Variants in NFX1 observed in about 807,000 individuals in gnomAD.
NFX1 encodes the protein nuclear transcription factor, X-box binding 1.
Under a neutral mutation model 137.2 loss-of-function variants are expected in NFX1, and 69 were observed. The observed-to-expected ratio is 0.50, with a 90% CI of 0.41 to 0.61. NFX1 has a LOEUF of 0.61. Among genes scored for constraint, NFX1 ranks in the 20% least tolerant of loss-of-function variants. The pLI is 0.00. For missense variants in NFX1, 1,167 were observed against 1,391.0 expected, an observed-to-expected ratio of 0.84 and a Z score of 2.56; for synonymous variants, 495 against 474.1, an observed-to-expected ratio of 1.04 and a Z score of -0.57.
intron 2 of NFX1, among the ~76,000 whole-genome samples, chr9:33,299,211 A>G (rs886367530): frequency 7.9e-5 from 12 of 152,198 alleles, no homozygotes; most frequent in African/African-American, 1.9e-4. Flanking sequence ...TAACTAAACT[A>G]CAGATGTTAT....
At chr9:33,349,151 G>A (rs1823543672) in intron 15 of NFX1, among the ~76,000 whole-genome samples, 1 of 152,066 alleles carries the variant, frequency 6.6e-6, no homozygotes, top group Non-Finnish European at 1.5e-5. Flanking sequence ...AACAGATATC[G>A]AGTATGAGTA....
chr9:33,367,389 A>G (rs1004676571), intron 22 of NFX1, 126 bp from the exon 23 acceptor site: 12 of 854,584 alleles, frequency 1.4e-5, no homozygotes, highest in Non-Finnish European at 2.1e-5. Flanking sequence ...CTGAGAGCAG[A>G]CAGTTCATAC....
At chr9:33,368,954 G>T (rs1227719344) in intron 23 of NFX1, among the ~76,000 whole-genome samples, 1 of 152,214 alleles carries the variant, frequency 6.6e-6, no homozygotes, top group African/African-American at 2.4e-5. Context: ...CATATGGGCG[G>T]TCACTTTGGA....
At chr9:33,336,287 C>T (rs1429307640) in intron 11 of NFX1, among the ~76,000 whole-genome samples, 2 of 152,170 alleles carry the variant, frequency 1.3e-5, no homozygotes, top group Admixed American at 1.3e-4. Context: ...GCTATCTCAG[C>T]TCACTGCAAA....
intron 11 of NFX1, among the ~76,000 whole-genome samples, chr9:33,335,368 T>G (rs1187636178): frequency 6.6e-6 from 1 of 151,702 alleles, no homozygotes; most frequent in Non-Finnish European, 1.5e-5. Flanking sequence ...GTAGCTGGAA[T>G]TACAGGCACC....
At chr9:33,347,723 G>A (rs944582898) in intron 15 of NFX1, 1 of 431,176 alleles carries the variant, frequency 2.3e-6, no homozygotes, top group East Asian at 7.5e-5. Flanking sequence ...AAAGATACCT[G>A]CACACGCATG....
At chr9:33,297,521 G>C (rs1821400387) in intron 2 of NFX1, among the ~76,000 whole-genome samples, 2 of 152,238 alleles carry the variant, frequency 1.3e-5, no homozygotes, top group African/African-American at 2.4e-5. Flanking sequence ...CTGTGGGTCA[G>C]ATGAATGGGT....
intron 11 of NFX1, among the ~76,000 whole-genome samples, chr9:33,332,827 C>A (rs1293730982): frequency 1.3e-5 from 2 of 152,170 alleles, no homozygotes; most frequent in Admixed American, 1.3e-4. Context: ...TGGATGTTCA[C>A]TGTAAAATAC....
chr9:33,293,008 T>C (rs773328002), intron 1 of NFX1, among the ~76,000 whole-genome samples: 1 of 152,250 alleles, frequency 6.6e-6, no homozygotes, highest in Non-Finnish European at 1.5e-5. Flanking sequence ...ATTCTGCCTA[T>C]GTGAAAGCTT....
chr9:33,338,460 G>A, intron 11 of NFX1, 50 bp from the exon 12 acceptor site: 1 of 1,478,120 alleles, frequency 6.8e-7, no homozygotes, highest in Non-Finnish European at 9.4e-7. Flanking sequence ...TTGTATGAAT[G>A]TTCATATCCT....
At chr9:33,294,318 C>A in intron 1 of NFX1, 102 bp from the exon 2 acceptor site, 1 of 1,119,538 alleles carries the variant, frequency 8.9e-7, no homozygotes, top group Non-Finnish European at 1.3e-6. Context: ...ATGTTTTATA[C>A]AAAGTTCTAA....
At chr9:33,324,438 CTA>C (rs1357266002) in intron 9 of NFX1, among the ~76,000 whole-genome samples, 2 of 152,094 alleles carry the variant, frequency 1.3e-5, no homozygotes, top group African/African-American at 4.8e-5. Flanking sequence ...GTGATCCCAG[CTA>C]CTCAGGAGGC....
intron 2 of NFX1, among the ~76,000 whole-genome samples, chr9:33,296,856 C>A (rs952885948): frequency 6.6e-6 from 1 of 152,232 alleles, no homozygotes; most frequent in Non-Finnish European, 1.5e-5. Context: ...ACAGAACTTA[C>A]ACTGGAAACC....
intron 9 of NFX1, 72 bp downstream of exon 9, chr9:33,319,199 A>G (rs1334633443): frequency 3.1e-6 from 4 of 1,285,642 alleles, no homozygotes; most frequent in East Asian, 2.3e-5. Context: ...TGTTTAAGCA[A>G]TGTAGAAGTA....
At chr9:33,359,616 G>T (rs1388593251) in intron 19 of NFX1, among the ~76,000 whole-genome samples, 2 of 151,872 alleles carry the variant, frequency 1.3e-5, no homozygotes, top group African/African-American at 4.8e-5. Flanking sequence ...AAAAAAAATA[G>T]ATGTTCCTGA....
At chr9:33,354,740 T>C (rs1823755668) in intron 18 of NFX1, 111 bp from the exon 19 acceptor site, 1 of 1,007,564 alleles carries the variant, frequency 9.9e-7, no homozygotes, top group East Asian at 2.8e-5. Flanking sequence ...GGGATTGTTT[T>C]TTGGCAAGAG....
Position 33,294,711 on chromosome 9 carries a change from GGCAGAAATTGAGGAATGA to G in NFX1, c.319_336del (p.Gln107_Glu112del), listed in dbSNP as rs1332812877. 1 of 1,614,034 alleles carries G rather than the reference GGCAGAAATTGAGGAATGA, an allele frequency of 6.2e-7. No homozygotes were observed. On this transcript the variant is annotated inframe_deletion, in exon 2 of 24. Coordinates refer to ENST00000379540, the MANE Select transcript of NFX1 (RefSeq NM_002504.6). ...AGCCATGGCCTTCAGAATCAACCTT[GGCAGAAATTGAGGAATGA>G]GAAGCACCATATCAGAGTCAAGAAA...
intron 19 of NFX1, among the ~76,000 whole-genome samples, chr9:33,361,202 A>T (rs1823975779): frequency 6.6e-6 from 1 of 152,264 alleles, no homozygotes; most frequent in African/African-American, 2.4e-5. Flanking sequence ...GAACATAATT[A>T]GAAGACTATG....
Position 33,342,784 on chromosome 9 carries a change from A to G in NFX1, c.2154A>G (p.Lys718=), listed in dbSNP as rs752402702. ...AGTGTCCTTTGATTTGTGGGAGGAAACTCCGTTGTGGCCTTCATAGGTGTG... is the reference window on the plus strand; with the variant it reads ...AGTGTCCTTTGATTTGTGGGAGGAAGCTCCGTTGTGGCCTTCATAGGTGTG... ...EHKCPLICGR[K]LRCGLHRCEE... Residue 718 remains lysine (K), a synonymous_variant, in exon 13 of 24, where the codon AAA becomes AAG. Coordinates refer to ENST00000379540, the MANE Select transcript of NFX1 (RefSeq NM_002504.6). 18 of 1,613,672 alleles carry G rather than the reference A, an allele frequency of 1.1e-5. No individual in the cohort carries two copies. Among genetic ancestry groups the G allele is most frequent in the Non-Finnish European group, 1.4e-5 (16 of 1,179,878 alleles).
Sources: allele counts gnomAD v4.1 joint callset (sites outside exome capture counted in the v4.1 genomes callset), GRCh38; gene constraint gnomAD v4.1.1; transcripts MANE v1.5; gene names NCBI Gene and HGNC (gene_info 2026-07-23, HGNC 2026-07-21).